The following PTPRO variants were observed in gnomAD, a reference collection of about 807,000 sequenced individuals.
PTPRO encodes receptor-type tyrosine-protein phosphatase O.
In PTPRO, 62 loss-of-function variants were observed where a neutral mutation model predicts 145.2. The ratio of observed to expected loss-of-function variants is 0.43; its 90% CI spans 0.35 to 0.53. The LOEUF (loss-of-function observed/expected upper bound fraction) is 0.53. PTPRO is among the 20% of genes least tolerant of loss of function. The probability of loss-of-function intolerance (pLI) is 0.01; values close to 1 mark genes in which losing one functional copy is unlikely to be tolerated. For missense variants in PTPRO, 1,345 were observed against 1,482.7 expected (o/e 0.91, Z 1.53); for synonymous variants, 565 against 514.7 (o/e 1.10, Z -1.32).
chr12:15,567,319 C>A (rs1943924927), intron 18 of PTPRO, among the ~76,000 whole-genome samples: 1 of 152,130 alleles, frequency 6.6e-6, no homozygotes, highest in South Asian at 2.1e-4. Context: ...ACTACCATAT[C>A]CCCCTGGTTC....
chr12:15,385,609 C>T (rs941666153), intron 1 of PTPRO, among the ~76,000 whole-genome samples: 1 of 151,936 alleles, frequency 6.6e-6, no homozygotes, highest in Non-Finnish European at 1.5e-5. Flanking sequence ...GTCAGGAGAT[C>T]GAGACCATCC....
chr12:15,413,823 CA>C (rs1939869718), intron 1 of PTPRO, among the ~76,000 whole-genome samples: 1 of 151,718 alleles, frequency 6.6e-6, no homozygotes, highest in East Asian at 1.9e-4. Context: ...TCAATAAAAA[CA>C]AATAAATAAA....
Position 15,418,691 on chromosome 12 carries a change from A to C in PTPRO, c.76-65283A>C, listed in dbSNP as rs1312313663. The stretch of plus-strand genomic sequence containing the variant: ...CAGAATGTAGGAGGTAGGAATACAT[A>C]TGGCATTTCAAGGAATGAGTGTGCC... On this transcript the variant is annotated intron_variant, in intron 1 of 26. Transcript: ENST00000281171. Among the ~76,000 whole-genome samples the C allele has an allele frequency of 4.0e-5, 6 of 151,772 alleles. 1 individual carries two copies. Among genetic ancestry groups the C allele is most frequent in the African/African-American group, 1.5e-4 (6 of 41,016 alleles).
At chr12:15,548,673 AT>A (rs1188788092) in intron 13 of PTPRO, among the ~76,000 whole-genome samples, 2 of 152,168 alleles carry the variant, frequency 1.3e-5, no homozygotes, top group Non-Finnish European at 2.9e-5. Context: ...CATTAAATAA[AT>A]TATGGTATGT....
intron 1 of PTPRO, chr12:15,346,670 G>C (rs1867226060): frequency 6.6e-6 from 1 of 152,194 alleles, no homozygotes. Context: ...ATTAATGAAA[G>C]AGGAATTTTT....
chr12:15,575,975 TCA>T (rs1944176920), intron 19 of PTPRO, among the ~76,000 whole-genome samples: 1 of 152,192 alleles, frequency 6.6e-6, no homozygotes, highest in Admixed American at 6.5e-5. Context: ...TAGATCACAC[TCA>T]CAGGTTCTGG....
intron 15 of PTPRO, among the ~76,000 whole-genome samples, chr12:15,555,942 A>G (rs1943611647): frequency 6.6e-6 from 1 of 152,252 alleles, no homozygotes; most frequent in Admixed American, 6.5e-5. Context: ...GGTGATGCAT[A>G]TGACCAATAT....
chr12:15,485,138 A>G lies in PTPRO; in HGVS notation c.349+891A>G, dbSNP rs146767637. 7.0e-4 allele frequency among the ~76,000 whole-genome samples: 106 copies of G among 152,274 alleles called. 1 individual carries two copies. The South Asian group carries it at 7.3e-3, about 10-fold the overall frequency. ...AGACAGTGATATTATCTGTTGGGAT[A>G]AAAGGAAGCAGAAACTACAAGAAGC... On this transcript the variant is annotated intron_variant, in intron 2 of 26. Transcript: ENST00000281171.
chr12:15,513,225 GA>G lies in PTPRO; in HGVS notation c.1465-2269del, dbSNP rs775330388. Among the ~76,000 whole-genome samples, 13 of 109,102 alleles carry G rather than the reference GA, an allele frequency of 1.2e-4. 1 individual carries two copies. Among genetic ancestry groups the G allele is most frequent in the East Asian group, 3.4e-4 (1 of 2,928 alleles). The allele number at this position is 109,102 out of a possible 152,430, so 71.6% of individuals were successfully genotyped here. A position where few individuals can be genotyped will look rare whatever the true frequency, so the allele number is the denominator to read the frequency against. On this transcript the variant is annotated intron_variant, in intron 7 of 26. Coordinates refer to ENST00000281171, the MANE Select transcript of PTPRO (RefSeq NM_030667.3). ...AGAAAGAAAGAAAGAAAGAAAGAAAGAAAAGAAAGAAAGAGGGAGGGAGGGA... is the reference window on the plus strand; with the variant it reads ...AGAAAGAAAGAAAGAAAGAAAGAAAGAAAGAAAGAAAGAGGGAGGGAGGGA...
chr12:15,464,208 C>T (rs1941365158), intron 1 of PTPRO, among the ~76,000 whole-genome samples: 1 of 152,074 alleles, frequency 6.6e-6, no homozygotes, highest in African/African-American at 2.4e-5. Context: ...AAGTAGTTAA[C>T]AAATGGAAAA....
At chr12:15,409,604 G>C (rs1203732686) in intron 1 of PTPRO, among the ~76,000 whole-genome samples, 1 of 152,166 alleles carries the variant, frequency 6.6e-6, no homozygotes, top group Non-Finnish European at 1.5e-5. Flanking sequence ...TGGGTTCCTG[G>C]TTCTGTAGAT....
intron 17 of PTPRO, among the ~76,000 whole-genome samples, chr12:15,560,589 C>G (rs73313531): frequency 5.3e-5 from 8 of 151,942 alleles, no homozygotes; most frequent in African/African-American, 1.9e-4. Flanking sequence ...CCATTATCAT[C>G]TTCATCCATT....
At chr12:15,517,007 C>A (rs759386470) in intron 9 of PTPRO, 51 bp downstream of exon 9, 8 of 1,447,326 alleles carry the variant, frequency 5.5e-6, no homozygotes, top group Non-Finnish European at 5.8e-6. Flanking sequence ...ACAGGCAAAC[C>A]TTTATGTACC....
At position 15,597,031 on chromosome 12, in the gene PTPRO, G is replaced by A. The variant is rs1591785431; in HGVS notation, c.*958G>A. 6.6e-6 allele frequency: 1 copy of A among 152,614 alleles called. No individual in the cohort carries two copies. Among genetic ancestry groups the A allele is most frequent in the Non-Finnish European group, 1.5e-5 (1 of 68,042 alleles). The allele number at this position is 152,614 out of a possible 1,614,324, so 9.5% of individuals were successfully genotyped here. On this transcript the variant is annotated 3_prime_UTR_variant, in exon 27 of 27. Transcript: ENST00000281171. ...CACTTTCTTTCCCCCAAAGAGCTGG[G>A]AATTTATGAAGTTATGGCAATGAAC...
chr12:15,514,105 C>T (rs969659465), intron 7 of PTPRO, among the ~76,000 whole-genome samples: 16 of 152,100 alleles, frequency 1.1e-4, no homozygotes, highest in East Asian at 1.9e-4. Flanking sequence ...TTCATCTATA[C>T]GTTCTCACTA....
At position 15,515,218 on chromosome 12, in the gene PTPRO, G is replaced by A. The variant is rs11056537; in HGVS notation, c.1465-280G>A. ...ATTGCTGATTTGATTATGGTTAGAG[G>A]CTGATGTGTCTCTAGTGTGCATAGT... On this transcript the variant is annotated intron_variant, in intron 7 of 26. Transcript: ENST00000281171. 0.3 allele frequency among the ~76,000 whole-genome samples: 45,918 copies of A among 151,980 alleles called. 7,585 individuals are homozygous for A. Among genetic ancestry groups the A allele is most frequent in the Middle Eastern group, 0.39 (114 of 294 alleles).
chr12:15,489,452 C>A (rs1456148677), intron 2 of PTPRO, among the ~76,000 whole-genome samples: 3 of 152,092 alleles, frequency 2.0e-5, no homozygotes, highest in Admixed American at 6.6e-5. Context: ...ATGAGTTTTC[C>A]AAAAAGGGTG....
intron 1 of PTPRO, among the ~76,000 whole-genome samples, chr12:15,324,244 C>T (rs529020182): frequency 1.1e-4 from 17 of 152,166 alleles, no homozygotes; most frequent in African/African-American, 2.4e-4. Flanking sequence ...ATGCATTTTA[C>T]GAGCAACAGC....
chr12:15,389,017 G>A (rs979146865), intron 1 of PTPRO, among the ~76,000 whole-genome samples: 11 of 151,672 alleles, frequency 7.3e-5, no homozygotes, highest in Non-Finnish European at 4.4e-5. Flanking sequence ...TATCTATTTT[G>A]ATGGTATTTT....
Sources: gnomAD v4.1 joint callset for allele counts (sites outside exome capture counted in the v4.1 genomes callset) on GRCh38, gnomAD v4.1.1 for gene constraint, MANE v1.5 for transcripts, NCBI Gene and HGNC (gene_info 2026-07-23, HGNC 2026-07-21) for gene names.